WDSUB1: variants seen among roughly 807,000 people sequenced by gnomAD.
The protein encoded by WDSUB1 is WD repeat, SAM and U-box domain-containing protein 1.
Under a neutral mutation model 53.9 loss-of-function variants are expected in WDSUB1, and 49 were observed. That is an observed-to-expected ratio of 0.91 (90% CI 0.72 to 1.15). The LOEUF (loss-of-function observed/expected upper bound fraction) is 1.15. WDSUB1 is among the 50% of genes most tolerant of loss of function. The pLI is 0.00. For missense variants in WDSUB1, 514 were observed against 562.0 expected (o/e 0.91, Z 0.86); for synonymous variants, 194 against 200.6 (o/e 0.97, Z 0.28).
At chr2:159,259,692 T>A (rs1380547986) in intron 6 of WDSUB1, 118 bp downstream of exon 6, 3 of 1,102,570 alleles carry the variant, frequency 2.7e-6, no homozygotes, top group Non-Finnish European at 2.5e-6. Flanking sequence ...AAAATATTTA[T>A]GTTCTTAGTC....
At chr2:159,278,439 C>T (rs544708902) in intron 3 of WDSUB1, among the ~76,000 whole-genome samples, 1 of 152,224 alleles carries the variant, frequency 6.6e-6, no homozygotes, top group East Asian at 1.9e-4. Flanking sequence ...CTGGAGCTTA[C>T]AAGCTAATAG....
At chr2:159,258,154 C>T (rs1394285554) in intron 6 of WDSUB1, among the ~76,000 whole-genome samples, 169 bp from the exon 7 acceptor site, 1 of 152,168 alleles carries the variant, frequency 6.6e-6, no homozygotes. Flanking sequence ...GCATCTGTAA[C>T]AGCATTCTCA....
intron 1 of WDSUB1, among the ~76,000 whole-genome samples, chr2:159,283,476 G>A (rs2061721305): frequency 1.3e-5 from 2 of 152,194 alleles, no homozygotes; most frequent in Non-Finnish European, 2.9e-5. Flanking sequence ...GGAGGCTGAG[G>A]CAGAAGAATC....
chr2:159,247,910 A>T (rs2357167), intron 10 of WDSUB1, among the ~76,000 whole-genome samples: 1,431 of 16,998 alleles, frequency 0.084, 39 homozygotes, highest in African/African-American at 0.19. Flanking sequence ...TATATATATA[A>T]ATATATATAT....
chr2:159,260,930 A>T (rs1274981426), intron 5 of WDSUB1, among the ~76,000 whole-genome samples: 1 of 152,222 alleles, frequency 6.6e-6, no homozygotes, highest in Non-Finnish European at 1.5e-5. Flanking sequence ...TTAGCTTAAA[A>T]TTCCTTGTTC....
chr2:159,239,477 AG>A (rs1246815456), intron 10 of WDSUB1, among the ~76,000 whole-genome samples: 2 of 152,114 alleles, frequency 1.3e-5, no homozygotes, highest in African/African-American at 4.8e-5. Flanking sequence ...TTATATAGAA[AG>A]GGTTTTTCCC....
Position 159,248,386 on chromosome 2 carries a change from G to T in WDSUB1, c.1259C>A (p.Pro420Gln), listed in dbSNP as rs758437110. ...ATCACACATACCTGATGCGATGACCGGATCTTTCATAAGTTCTCTAGTTAT... is the reference window on the plus strand; with the variant it reads ...ATCACACATACCTGATGCGATGACCTGATCTTTCATAAGTTCTCTAGTTAT... ...CPITRELMKD[P>Q]VIASDGYSYE... is the part of the protein sequence containing the mutation. Residue 420 changes from proline to glutamine, a missense_variant, in exon 10 of 11, where the codon CCG becomes CAG. By Grantham distance (76) the Pro-to-Gln change is moderately conservative. Transcript: ENST00000359774. The T allele has an allele frequency of 6.2e-7, 1 of 1,611,182 alleles. No individual in the cohort carries two copies. Among genetic ancestry groups the T allele is most frequent in the South Asian group, 1.1e-5 (1 of 90,652 alleles).
intron 10 of WDSUB1, among the ~76,000 whole-genome samples, chr2:159,241,024 C>T (rs762855228): frequency 1.3e-5 from 2 of 152,106 alleles, no homozygotes; most frequent in Non-Finnish European, 2.9e-5. Flanking sequence ...TCTACGATGA[C>T]AAATAGGAAT....
chr2:159,252,533 C>G (rs898952176), intron 9 of WDSUB1, among the ~76,000 whole-genome samples: 5 of 152,184 alleles, frequency 3.3e-5, no homozygotes, highest in African/African-American at 7.2e-5. Context: ...GGGCCAACTT[C>G]AGACAGCAGC....
rs192916756 is a variant in WDSUB1, at chr2:159,246,494, A to G, written c.1273+1878T>C. Reference sequence around the variant, plus strand: ...ATATCCACTAAAATGGCAAAATTTAAAAGACTAGCAATACCAAGTGCTGGA... The same window carrying G: ...ATATCCACTAAAATGGCAAAATTTAGAAGACTAGCAATACCAAGTGCTGGA... On this transcript the variant is annotated intron_variant, in intron 10 of 10. Transcript: ENST00000359774. Among the ~76,000 whole-genome samples, 743 of 152,146 alleles carry G rather than the reference A, an allele frequency of 4.9e-3. 3 individuals carry two copies. The highest frequency in any genetic ancestry group is 0.017 in the Middle Eastern group (5 of 294).
intron 6 of WDSUB1, among the ~76,000 whole-genome samples, chr2:159,259,265 T>A (rs548791024): frequency 2.4e-4 from 37 of 152,344 alleles, no homozygotes; most frequent in African/African-American, 8.4e-4. Context: ...ACTCAAGCCA[T>A]CTGCCTGCTT....
intron 10 of WDSUB1, among the ~76,000 whole-genome samples, chr2:159,244,949 C>T (rs1238010479): frequency 6.6e-6 from 1 of 152,098 alleles, no homozygotes; most frequent in Non-Finnish European, 1.5e-5. Flanking sequence ...AAAATTTAAA[C>T]ATTTTTTTAA....
intron 2 of WDSUB1, 47 bp downstream of exon 2, chr2:159,282,625 A>G: frequency 6.4e-7 from 1 of 1,552,942 alleles, no homozygotes; most frequent in Non-Finnish European, 8.7e-7. Flanking sequence ...TTTTTTAAGT[A>G]CACCTAGTCA....
In WDSUB1 at chr2:159,242,996, G is replaced by T. The variant is rs1188190843; in HGVS notation, c.1273+5376C>A. Among the ~76,000 whole-genome samples, 2 of 147,918 alleles carry T rather than the reference G, an allele frequency of 1.4e-5. 1 individual carries two copies. The highest frequency in any genetic ancestry group is 4.1e-4 in the East Asian group (2 of 4,828). On this transcript the variant is annotated intron_variant, in intron 10 of 10. Transcript: ENST00000359774. ...AAATGTAGGTGGGAAAAGGAAAGTAGAAGAGAAATTAGAATTATATGCTGG... is the reference window on the plus strand; with the variant it reads ...AAATGTAGGTGGGAAAAGGAAAGTATAAGAGAAATTAGAATTATATGCTGG...
At chr2:159,276,220 C>T (rs937165879) in intron 3 of WDSUB1, among the ~76,000 whole-genome samples, 2 of 152,148 alleles carry the variant, frequency 1.3e-5, no homozygotes, top group South Asian at 2.1e-4. Flanking sequence ...TGCCACCACA[C>T]CCGGCTAATT....
chr2:159,279,822 A>G lies in WDSUB1; in HGVS notation c.522T>C (p.His174=). 1 of 1,612,756 alleles carries G rather than the reference A, an allele frequency of 6.2e-7. No individual in the cohort carries two copies. Among genetic ancestry groups the G allele is most frequent in the Non-Finnish European group, 8.5e-7 (1 of 1,179,046 alleles). ...TTCCAAGATCATGTGCTTTTTCACT[A>G]TGCAGACACCTCATTTTATCATCCC... ...TVWDDKMRCL[H]SEKAHDLGIT... The change falls in exon 3 of 11, where the codon CAT becomes CAC. Residue 174 remains histidine (H), a synonymous_variant. Transcript: ENST00000359774.
intron 10 of WDSUB1, among the ~76,000 whole-genome samples, chr2:159,241,779 C>G (rs367800895): frequency 7.5e-6 from 1 of 133,812 alleles, no homozygotes; most frequent in Non-Finnish European, 1.5e-5. Flanking sequence ...GTGGCATGAT[C>G]TCGGCTCACT....
intron 10 of WDSUB1, among the ~76,000 whole-genome samples, chr2:159,245,854 G>A (rs2060782871): frequency 6.6e-6 from 1 of 152,066 alleles, no homozygotes; most frequent in Non-Finnish European, 1.5e-5. Context: ...AGGACTCAAA[G>A]TATGAAAGTG....
chr2:159,267,688 G>C (rs6708919), intron 5 of WDSUB1, among the ~76,000 whole-genome samples: 86,908 of 151,930 alleles, frequency 0.57, 26,171 homozygotes, highest in African/African-American at 0.72. Flanking sequence ...ATACAGCCTC[G>C]TTTTATCCTA....
Sources: gnomAD v4.1 joint callset for allele counts (sites outside exome capture counted in the v4.1 genomes callset) on GRCh38, gnomAD v4.1.1 for gene constraint, MANE v1.5 for transcripts, NCBI Gene and HGNC (gene_info 2026-07-23, HGNC 2026-07-21) for gene names.